MDN1: variants seen among roughly 807,000 people sequenced by gnomAD.
The protein encoded by MDN1 is midasin AAA ATPase 1.
MDN1 carries 266 observed loss-of-function variants against 669.2 expected under a neutral mutation model. That is an observed-to-expected ratio of 0.40 (90% CI 0.36 to 0.44). The LOEUF (loss-of-function observed/expected upper bound fraction) is 0.44, where lower values mean the gene tolerates loss of function less well. Ranked by LOEUF, MDN1 falls within the 20% of genes least tolerant of loss-of-function variation. The pLI is 1.00. For missense variants in MDN1, 5,940 were observed against 6,754.0 expected (o/e 0.88, Z 4.22); for synonymous variants, 2,385 against 2,457.1 (o/e 0.97, Z 0.87).
At chr6:89,652,848 A>C (rs1808980059) in intron 94 of MDN1, 144 bp downstream of exon 94, 1 of 812,918 alleles carries the variant, frequency 1.2e-6, no homozygotes, top group Admixed American at 2.8e-5. Context: ...TAGTATTCCT[A>C]AAAATTTTGA....
Position 89,685,137 on chromosome 6 carries a change from CCTGT to C in MDN1, c.11720-156_11720-153del. The C allele has an allele frequency of 1.3e-5, 7 of 553,302 alleles. No individual in the cohort carries two copies. The South Asian group carries it at 1.9e-4, about 15-fold the overall frequency. The allele number at this position is 553,302 out of a possible 1,614,324, so 34.3% of individuals were successfully genotyped here. On this transcript the variant is annotated intron_variant, in intron 70 of 101. Coordinates refer to ENST00000369393, the MANE Select transcript of MDN1 (RefSeq NM_014611.3). The stretch of plus-strand genomic sequence containing the variant: ...TTTCACAGGTGCATTATTTAGGGAT[CCTGT>C]CTGAGTTTAGCATTTCCCAGAGATG...
chr6:89,782,771 T>A (rs1264420043), intron 9 of MDN1, among the ~76,000 whole-genome samples: 1 of 151,858 alleles, frequency 6.6e-6, no homozygotes, highest in African/African-American at 2.4e-5. Context: ...AAACCCTGTC[T>A]CTACTAAAAA....
Position 89,687,127 on chromosome 6 carries a change from G to C in MDN1, c.11451-104C>G. On this transcript the variant is annotated intron_variant, in intron 68 of 101. Coordinates refer to ENST00000369393, the MANE Select transcript of MDN1 (RefSeq NM_014611.3). ...GCTCACATTTCTCTCCTCCCAAATGGAGATGGAGGAGCCACCCAGTTTCCT... is the reference window on the plus strand; with the variant it reads ...GCTCACATTTCTCTCCTCCCAAATGCAGATGGAGGAGCCACCCAGTTTCCT... The C allele has an allele frequency of 2.7e-6, 4 of 1,500,444 alleles. No individual in the cohort carries two copies. In the South Asian group the frequency reaches 5.0e-5, roughly 19 times the overall value. 92.9% of individuals were successfully genotyped at this position (1,500,444 alleles called of 1,614,324 possible). A position where few individuals can be genotyped will look rare whatever the true frequency, so the allele number is the denominator to read the frequency against.
At chr6:89,794,282 A>G (rs1819451542) in intron 3 of MDN1, 75 bp from the exon 4 acceptor site, 1 of 811,168 alleles carries the variant, frequency 1.2e-6, no homozygotes, top group Non-Finnish European at 2.0e-6. Flanking sequence ...CCACTAGCCA[A>G]CTGAACACTA....
intron 43 of MDN1, 89 bp from the exon 44 acceptor site, chr6:89,716,898 G>C: frequency 7.4e-7 from 1 of 1,354,024 alleles, no homozygotes; most frequent in Non-Finnish European, 9.9e-7. Context: ...GATACTTCTA[G>C]CCAAGGTTTT....
rs1815561849 is a variant in MDN1 at position 89,731,001 on chromosome 6, A to G, written c.4943-78T>C. On this transcript the variant is annotated intron_variant, in intron 34 of 101. Coordinates refer to ENST00000369393, the MANE Select transcript of MDN1 (RefSeq NM_014611.3). ...CACCATTAAGCAGGAGCTCTAGCACAGGTTCCCGGAAAAAAGAGGCCTCAG... is the reference window on the plus strand; with the variant it reads ...CACCATTAAGCAGGAGCTCTAGCACGGGTTCCCGGAAAAAAGAGGCCTCAG... 4.2e-5 allele frequency: 56 copies of G among 1,324,210 alleles called. No homozygotes were observed. In the South Asian group the frequency reaches 6.5e-4, roughly 15 times the overall value. 82.0% of individuals were successfully genotyped at this position (1,324,210 alleles called of 1,614,324 possible).
Position 89,694,051 on chromosome 6 carries a change from AAAT to A in MDN1, c.9881+20_9881+22del. The A allele has an allele frequency of 6.3e-7, 1 of 1,589,020 alleles. No individual in the cohort carries two copies. The highest frequency in any genetic ancestry group is 8.6e-7 in the Non-Finnish European group (1 of 1,157,036). ...AAGGAGAGTCAATAATCCCCAAAAC[AAAT>A]AATCACTCTGCTGTGTTACCTGACG... On this transcript the variant is annotated intron_variant, in intron 62 of 101. Transcript: ENST00000369393.
At chr6:89,729,829 G>A (rs1186821703) in intron 35 of MDN1, among the ~76,000 whole-genome samples, 2 of 151,946 alleles carry the variant, frequency 1.3e-5, no homozygotes, top group East Asian at 1.9e-4. Context: ...GTCCTATGAT[G>A]GTGGCTTAGA....
At chr6:89,778,093 G>A (rs757114368) in intron 11 of MDN1, among the ~76,000 whole-genome samples, 13 of 151,768 alleles carry the variant, frequency 8.6e-5, no homozygotes, top group African/African-American at 1.2e-4. Context: ...CTGTTGGGCC[G>A]TTACAATCTG....
intron 70 of MDN1, among the ~76,000 whole-genome samples, chr6:89,685,271 A>G (rs1314183426): frequency 6.6e-6 from 1 of 152,120 alleles, no homozygotes; most frequent in African/African-American, 2.4e-5. Flanking sequence ...TAAAATCACA[A>G]TGTCAAATTC....
chr6:89,683,613 C>G (rs1372283688), intron 72 of MDN1, among the ~76,000 whole-genome samples: 1 of 152,080 alleles, frequency 6.6e-6, no homozygotes, highest in East Asian at 1.9e-4. Flanking sequence ...ACATAGCCTG[C>G]TTTGTCTCAA....
At chr6:89,817,231 C>T (rs528194709) in intron 1 of MDN1, among the ~76,000 whole-genome samples, 2 of 152,326 alleles carry the variant, frequency 1.3e-5, no homozygotes, top group East Asian at 3.9e-4. Flanking sequence ...TTCTCAGGAT[C>T]TCCTGGGGCT....
At chr6:89,753,371 T>C (rs1289342281) in intron 22 of MDN1, 141 bp downstream of exon 22, 2 of 611,238 alleles carry the variant, frequency 3.3e-6, no homozygotes, top group Non-Finnish European at 5.8e-6. Flanking sequence ...TCTAAACATA[T>C]GTTTCTGTAA....
At chr6:89,810,683 T>A (rs183984224) in intron 1 of MDN1, among the ~76,000 whole-genome samples, 8 of 152,200 alleles carry the variant, frequency 5.3e-5, no homozygotes, top group Non-Finnish European at 1.0e-4. Context: ...CTTCCCTTTA[T>A]GTCTTTCTCT....
At chr6:89,701,768 T>G in intron 54 of MDN1, 90 bp from the exon 55 acceptor site, 2 of 1,529,834 alleles carry the variant, frequency 1.3e-6, no homozygotes, top group Non-Finnish European at 1.8e-6. Flanking sequence ...TTTCTTTCTT[T>G]CTTTTAATTG....
At chr6:89,670,072 A>G (rs1358946638) in intron 83 of MDN1, among the ~76,000 whole-genome samples, 1 of 139,212 alleles carries the variant, frequency 7.2e-6, no homozygotes, top group Non-Finnish European at 1.5e-5. Flanking sequence ...GCGTGGTGGC[A>G]CGTGCCTGTA....
At chr6:89,673,521 C>A in intron 79 of MDN1, 59 bp from the exon 80 acceptor site, 1 of 1,433,606 alleles carries the variant, frequency 7.0e-7, no homozygotes, top group Non-Finnish European at 9.7e-7. Flanking sequence ...CAAACACACA[C>A]CCCTCCCTGC....
At chr6:89,749,193 A>C in intron 26 of MDN1, 30 bp downstream of exon 26, 1 of 1,606,044 alleles carries the variant, frequency 6.2e-7, no homozygotes, top group Non-Finnish European at 8.5e-7. Flanking sequence ...CACCAAGTAT[A>C]ATCAATACAT....
At position 89,683,343 on chromosome 6, in the gene MDN1, A is replaced by C; in HGVS notation, c.11904-13T>G. The C allele has an allele frequency of 6.2e-7, 1 of 1,611,942 alleles. No homozygotes were observed. The highest frequency in any genetic ancestry group is 8.5e-7 in the Non-Finnish European group (1 of 1,178,726). On this transcript the variant is annotated splice_polypyrimidine_tract_variant and intron_variant, in intron 72 of 101. Transcript: ENST00000369393. ...TTTAAAGAGTGTCCTGTCCCCAGGT[A>C]ATGACAGAGATAAGAAGAAAAAAAC... is the stretch of plus-strand genomic sequence containing the variant.
Sources: gnomAD v4.1 joint callset for allele counts (sites outside exome capture counted in the v4.1 genomes callset) on GRCh38, gnomAD v4.1.1 for gene constraint, MANE v1.5 for transcripts, NCBI Gene and HGNC (gene_info 2026-07-23, HGNC 2026-07-21) for gene names.